SORBS2: variants seen among roughly 807,000 people sequenced by gnomAD.
The protein encoded by SORBS2 is sorbin and SH3 domain containing 2, also known as sorbin and SH3 domain-containing protein 2.
Under a neutral mutation model 97.7 loss-of-function variants are expected in SORBS2, and 46 were observed. The ratio of observed to expected loss-of-function variants is 0.47; its 90% CI spans 0.37 to 0.60. The LOEUF (loss-of-function observed/expected upper bound fraction) is 0.60, where lower values mean the gene tolerates loss of function less well. SORBS2 is among the 20% of genes least tolerant of loss of function. SORBS2 has a pLI of 0.00. For missense variants in SORBS2, 1,316 were observed against 1,282.3 expected, an observed-to-expected ratio of 1.03 and a Z score of -0.40; for synonymous variants, 476 against 473.4, an observed-to-expected ratio of 1.01 and a Z score of -0.07.
intron 2 of SORBS2, among the ~76,000 whole-genome samples, chr4:185,768,798 T>C (rs1404814042): frequency 2.0e-5 from 3 of 151,708 alleles, no homozygotes; most frequent in Non-Finnish European, 2.9e-5. Flanking sequence ...AAGGGCGACA[T>C]GTGGCCTGTT....
chr4:185,760,269 T>C (rs751332662), intron 2 of SORBS2, among the ~76,000 whole-genome samples: 3 of 152,216 alleles, frequency 2.0e-5, no homozygotes, highest in Non-Finnish European at 4.4e-5. Flanking sequence ...TAACAAAATG[T>C]GGCTGGCATT....
intron 1 of SORBS2, among the ~76,000 whole-genome samples, chr4:185,870,189 T>C (rs1255080712): frequency 6.6e-6 from 1 of 152,216 alleles, no homozygotes; most frequent in East Asian, 1.9e-4. Context: ...AAAATGTTAT[T>C]GTCGTTATCT....
At chr4:185,914,433 A>G (rs893967872) in intron 1 of SORBS2, among the ~76,000 whole-genome samples, 1 of 152,206 alleles carries the variant, frequency 6.6e-6, no homozygotes, top group African/African-American at 2.4e-5. Flanking sequence ...ATATACTTTT[A>G]TAATCTAGCC....
rs2096449423 is a variant in SORBS2 at position 185,607,348 on chromosome 4, A to G, written c.2796+4432T>C. 3.9e-6 allele frequency: 5 copies of G among 1,286,548 alleles called. No homozygotes were observed. Among genetic ancestry groups the G allele is most frequent in the Non-Finnish European group, 5.1e-6 (5 of 986,696 alleles). The allele number at this position is 1,286,548 out of a possible 1,614,324, so 79.7% of individuals were successfully genotyped here. A position where few individuals can be genotyped will look rare whatever the true frequency, so the allele number is the denominator to read the frequency against. On this transcript the variant is annotated intron_variant, in intron 12 of 14. Transcript: ENST00000418609. The surrounding 1 kb of genome is among the most constrained non-coding windows in gnomAD (Gnocchi z 5.2). ...AGGAGGGGCTGGTTCACTGGAAGCC[A>G]ACTTGGAAATGAGCACGGATTATGA... is the stretch of plus-strand genomic sequence containing the variant.
chr4:185,589,765 T>C, exon 14 of SORBS2: 4 of 1,606,572 alleles, frequency 2.5e-6, no homozygotes, highest in Non-Finnish European at 3.4e-6. Context: ...CCTGGGAGTA[T>C]AGTTATACAG....
At chr4:185,783,964 C>A (rs1393493000) in intron 1 of SORBS2, among the ~76,000 whole-genome samples, 1 of 152,176 alleles carries the variant, frequency 6.6e-6, no homozygotes, top group African/African-American at 2.4e-5. Flanking sequence ...TCCTGAGGAT[C>A]CATTTTGCAG....
intron 4 of SORBS2, among the ~76,000 whole-genome samples, chr4:185,667,452 A>C (rs997776673): frequency 1.3e-5 from 2 of 152,088 alleles, no homozygotes; most frequent in Non-Finnish European, 2.9e-5. Context: ...GTCTCTCTGA[A>C]TCATAGATCC....
chr4:185,622,091 C>T (rs770365092), intron 7 of SORBS2, among the ~76,000 whole-genome samples: 2 of 152,186 alleles, frequency 1.3e-5, no homozygotes, highest in African/African-American at 2.4e-5. Flanking sequence ...TATTAAAACA[C>T]CCTGGGCTGT....
At position 185,598,092 on chromosome 4, in the gene SORBS2, C is replaced by A. The variant is rs575225943; in HGVS notation, c.2797-4157G>T. On this transcript the variant is annotated intron_variant, in intron 12 of 14. Transcript: ENST00000418609. ...TAAGATAAATATAGAACAATATACA[C>A]TTGTGACATTCAGAGAGGCTTACAT... Among the ~76,000 whole-genome samples the A allele has an allele frequency of 1.2e-4, 19 of 152,270 alleles. No homozygotes were observed. In the South Asian group the frequency reaches 3.9e-3, roughly 32 times the overall value.
intron 2 of SORBS2, among the ~76,000 whole-genome samples, chr4:185,715,104 GT>G (rs1332955558): frequency 6.6e-6 from 1 of 152,122 alleles, no homozygotes; most frequent in Non-Finnish European, 1.5e-5. Flanking sequence ...CCATGAATTT[GT>G]TTGCAAAGAA....
chr4:185,704,952 G>A (rs1353535203), intron 2 of SORBS2, among the ~76,000 whole-genome samples: 1 of 152,206 alleles, frequency 6.6e-6, no homozygotes, highest in Non-Finnish European at 1.5e-5. Context: ...TCCCATAACA[G>A]CAATGGATCC....
chr4:185,663,848 CTTTTTTTTTTTTTTT>C (rs56177449), intron 4 of SORBS2, among the ~76,000 whole-genome samples: 3 of 80,978 alleles, frequency 3.7e-5, no homozygotes, highest in Non-Finnish European at 4.7e-5. Flanking sequence ...TAGATTTATT[CTTTTTTTTTTTTTTT>C]TTTTTTTTTG....
At chr4:185,594,043 T>TAAAAAACCAAGAGGAAGA (rs2096024167) in intron 12 of SORBS2, 108 bp from the exon 25 acceptor site, 2 of 744,256 alleles carry the variant, frequency 2.7e-6, no homozygotes, top group Non-Finnish European at 4.6e-6. Flanking sequence ...TTTCCTGTTG[T>TAAAAAACCAAGAGGAAGA]AAAAAACCAA....
exon 1 of SORBS2, chr4:185,656,622 G>A (rs750845678): frequency 6.5e-7 from 1 of 1,550,154 alleles, no homozygotes; most frequent in African/African-American, 1.4e-5. Context: ...CACCTGCAAA[G>A]GTGTTGTTGC....
At chr4:185,850,024 C>T (rs1220329725) in intron 1 of SORBS2, among the ~76,000 whole-genome samples, 1 of 152,166 alleles carries the variant, frequency 6.6e-6, no homozygotes, top group Non-Finnish European at 1.5e-5. Flanking sequence ...ATTGCATAAG[C>T]CTTCAATTCT....
rs1053206657 is a variant in SORBS2, at chr4:185,789,634, T to C, written c.-337-14268A>G. ...CAAATAAAGTCATAATTTCATTCTA[T>C]AGTCTCCTCTATTTTTATGTTTAAA... On this transcript the variant is annotated intron_variant, in intron 1 of 20. Coordinates refer to the SORBS2 transcript ENST00000284776. Among the ~76,000 whole-genome samples, 4 of 151,934 alleles carry C rather than the reference T, an allele frequency of 2.6e-5. No homozygotes were observed. In the South Asian group the frequency reaches 6.2e-4, roughly 24 times the overall value.
chr4:185,877,087 C>T lies in SORBS2; in HGVS notation c.-338+79109G>A, dbSNP rs1237732649. ...AAAGAATAAAATTATCCATAATAAC[C>T]TCTGGATCATGAAGGATAGAAACAT... On this transcript the variant is annotated intron_variant, in intron 1 of 20. Transcript: ENST00000284776. Among the ~76,000 whole-genome samples, 4 of 152,132 alleles carry T rather than the reference C, an allele frequency of 2.6e-5. No individual in the cohort carries two copies. The East Asian group carries it at 7.7e-4, about 29-fold the overall frequency.
chr4:185,793,335 G>A (rs1208329680), intron 1 of SORBS2, among the ~76,000 whole-genome samples: 5 of 152,166 alleles, frequency 3.3e-5, no homozygotes, highest in African/African-American at 1.2e-4. Context: ...AGAAAACAGT[G>A]AGCTCCCACA....
At chr4:185,638,789 G>C in intron 4 of SORBS2, 88 bp downstream of exon 14, 2 of 1,261,474 alleles carry the variant, frequency 1.6e-6, no homozygotes, top group South Asian at 1.9e-5. Flanking sequence ...GGACCCGGGG[G>C]AGTGGGAGTC....
Sources: allele counts gnomAD v4.1 joint callset (sites outside exome capture counted in the v4.1 genomes callset), GRCh38; gene constraint gnomAD v4.1.1; non-coding constraint Gnocchi (gnomAD v3.1); transcripts MANE v1.5; gene names NCBI Gene and HGNC (gene_info 2026-07-23, HGNC 2026-07-21).